The following NUP210 variants were observed in gnomAD, a reference collection of about 807,000 sequenced individuals.
NUP210 encodes nucleoporin 210, also known as nuclear pore membrane glycoprotein 210.
A neutral mutation model predicts 196.0 loss-of-function variants in NUP210; 151 were observed. The ratio of observed to expected loss-of-function variants is 0.77; its 90% CI spans 0.67 to 0.88. The LOEUF is 0.88. Among genes scored for constraint, NUP210 ranks in the 40% least tolerant of loss-of-function variants. NUP210 has a pLI of 0.00. For missense variants in NUP210, 2,314 were observed against 2,493.7 expected (o/e 0.93, Z 1.53); for synonymous variants, 1,070 against 1,052.7 (o/e 1.02, Z -0.32).
chr3:13,384,912 C>G (rs1277978472), intron 6 of NUP210, among the ~76,000 whole-genome samples: 50 of 152,210 alleles, frequency 3.3e-4, no homozygotes, highest in Non-Finnish European at 4.4e-5. Flanking sequence ...GTCAGGTAAA[C>G]ATCGGGCTCT....
intron 26 of NUP210, among the ~76,000 whole-genome samples, chr3:13,337,246 G>A (rs575086005): frequency 3.9e-5 from 6 of 152,276 alleles, no homozygotes; most frequent in Admixed American, 3.3e-4. Context: ...TGGTTCCTCC[G>A]GGCCCCTCTC....
In NUP210 at chr3:13,334,433, G is replaced by A. The variant is rs376469781; in HGVS notation, c.3843+1021C>T. 2.8e-4 allele frequency among the ~76,000 whole-genome samples: 42 copies of A among 152,284 alleles called. 4 individuals carry two copies. Among genetic ancestry groups the A allele is most frequent in the South Asian group, 2.3e-3 (11 of 4,824 alleles). On this transcript the variant is annotated intron_variant, in intron 28 of 39. Transcript: ENST00000254508. ...GTGTGCATGTGTGTCGTGTGTGTGT[G>A]CATGTGCAGGCAGGGGTGAGGGGTT...
At chr3:13,364,165 CTTTG>C (rs755282269) in intron 14 of NUP210, among the ~76,000 whole-genome samples, 5 of 152,164 alleles carry the variant, frequency 3.3e-5, no homozygotes, top group Non-Finnish European at 5.9e-5. Flanking sequence ...ACATTCTTTG[CTTTG>C]TTTATGGTCA....
intron 19 of NUP210, 50 bp from the exon 20 acceptor site, chr3:13,352,030 G>A (rs774669870): frequency 1.2e-6 from 2 of 1,600,388 alleles, no homozygotes; most frequent in Non-Finnish European, 1.7e-6. Flanking sequence ...GGAGGGCGAG[G>A]AGTCCCCCCG....
At chr3:13,393,862 C>T (rs73813573) in intron 3 of NUP210, among the ~76,000 whole-genome samples, 3,468 of 152,326 alleles carry the variant, frequency 0.023, 118 homozygotes, top group African/African-American at 0.078. Flanking sequence ...ATCCAGTCTC[C>T]AGAGGATCTA....
Position 13,397,348 on chromosome 3 carries a change from C to T in NUP210, c.436+9G>A, listed in dbSNP as rs771677417. ...CTGCAGAAGACAAACAGGCAGGGGACGTTCTCACCTTCGGAGTCCAGGGCC... is the reference window on the plus strand; with the variant it reads ...CTGCAGAAGACAAACAGGCAGGGGATGTTCTCACCTTCGGAGTCCAGGGCC... On this transcript the variant is annotated intron_variant, in intron 3 of 39. Coordinates refer to ENST00000254508, the MANE Select transcript of NUP210 (RefSeq NM_024923.4). 112 of 1,607,480 alleles carry T rather than the reference C, an allele frequency of 7.0e-5. 1 individual carries two copies. Among genetic ancestry groups the T allele is most frequent in the East Asian group, 1.4e-4 (6 of 44,408 alleles).
rs762370219 is a variant in NUP210, at chr3:13,386,400, C to T, written c.692G>A (p.Arg231His). ...AATCAGCAGCCTGACTTCTGCAGGG[C>T]GTACATTCTTGGCATAAAGAAAAGG... ...RIQEAVYKNV[R>H]PAEVRLLILE... The change falls in exon 6 of 40, where the codon CGC (arginine) becomes CAC (histidine). Residue 231 changes from arginine (R) to histidine (H), a missense_variant. Arg to His is a conservative substitution (Grantham distance 29, BLOSUM62 0). Coordinates refer to ENST00000254508, the MANE Select transcript of NUP210 (RefSeq NM_024923.4). 9.9e-6 allele frequency: 16 copies of T among 1,613,800 alleles called. No homozygotes were observed. The Admixed American group carries it at 1.2e-4, about 12-fold the overall frequency.
chr3:13,391,121 G>T, intron 4 of NUP210, 90 bp downstream of exon 4: 1 of 880,422 alleles, frequency 1.1e-6, no homozygotes, highest in Non-Finnish European at 1.9e-6. Context: ...CAATGACCCA[G>T]ATGAAAGCCC....
chr3:13,325,806 T>A lies in NUP210; in HGVS notation c.4633A>T (p.Thr1545Ser). The A allele has an allele frequency of 6.2e-7, 1 of 1,613,724 alleles. No homozygotes were observed. The highest frequency in any genetic ancestry group is 8.5e-7 in the Non-Finnish European group (1 of 1,179,966). ...VYYEVAGHLR[T>S]YKEVVVSVPQ... ...TGCTTAGAGCCCACCTCCTTGTAGGTCCTCAGGTGCCCAGCGACCTCATAG... is the reference window on the plus strand; with the variant it reads ...TGCTTAGAGCCCACCTCCTTGTAGGACCTCAGGTGCCCAGCGACCTCATAG... Residue 1545 changes from threonine (T) to serine (S), a missense_variant, in exon 33 of 40, where the codon ACC becomes TCC. Coordinates refer to ENST00000254508, the MANE Select transcript of NUP210 (RefSeq NM_024923.4).
Position 13,323,442 on chromosome 3 carries a change from G to C in NUP210, c.4645-10C>G. 1 of 1,613,822 alleles carries C rather than the reference G, an allele frequency of 6.2e-7. No homozygotes were observed. On this transcript the variant is annotated splice_polypyrimidine_tract_variant and intron_variant, in intron 33 of 39. Transcript: ENST00000254508. This position sits in a 1 kb window ranked among gnomAD's most constrained non-coding sequence, Gnocchi z 4.3. ...GGACGCTGACCACCACCTAGAGAGG[G>C]AGCCAAGGAAGCTTCATGGAGCGCC...
chr3:13,409,023 T>C (rs1312050548), intron 1 of NUP210, among the ~76,000 whole-genome samples: 1 of 152,074 alleles, frequency 6.6e-6, no homozygotes, highest in Admixed American at 6.6e-5. Flanking sequence ...CTCAATGTCC[T>C]CCCTCATCAC....
At chr3:13,410,458 G>C (rs1006427401) in intron 1 of NUP210, among the ~76,000 whole-genome samples, 1 of 151,444 alleles carries the variant, frequency 6.6e-6, no homozygotes, top group Non-Finnish European at 1.5e-5. Context: ...GATTACAGGC[G>C]TGAGCCACTG....
chr3:13,374,299 T>A (rs1393281226), intron 11 of NUP210, among the ~76,000 whole-genome samples: 2 of 152,134 alleles, frequency 1.3e-5, no homozygotes, highest in Non-Finnish European at 2.9e-5. Context: ...TACATTCACC[T>A]ACTCCCACCA....
At chr3:13,362,632 G>C (rs190369117) in intron 14 of NUP210, among the ~76,000 whole-genome samples, 1 of 152,194 alleles carries the variant, frequency 6.6e-6, no homozygotes, top group Non-Finnish European at 1.5e-5. Context: ...ATCTGATATA[G>C]GTTATCGACT....
rs1194130028 is a variant in NUP210 at position 13,375,409 on chromosome 3, T to G, written c.1431+95A>C. The G allele has an allele frequency of 2.5e-6, 3 of 1,207,454 alleles. No individual in the cohort carries two copies. In the East Asian group the frequency reaches 7.4e-5, roughly 30 times the overall value. The allele number at this position is 1,207,454 out of a possible 1,614,324, so 74.8% of individuals were successfully genotyped here. ...GTGATTTAAAATTCTCCACAACCAC[T>G]AGAGAGTAATACTAAAAGTAATAGA... On this transcript the variant is annotated intron_variant, in intron 11 of 39. Coordinates refer to ENST00000254508, the MANE Select transcript of NUP210 (RefSeq NM_024923.4).
At chr3:13,410,912 T>G (rs1405449701) in intron 1 of NUP210, among the ~76,000 whole-genome samples, 1 of 101,442 alleles carries the variant, frequency 9.9e-6, no homozygotes, top group East Asian at 2.5e-4. Flanking sequence ...AGCAAGACTC[T>G]GTCTCAAAAA....
intron 39 of NUP210, 22 bp from the exon 40 acceptor site, chr3:13,317,803 T>A: frequency 1.3e-6 from 2 of 1,540,898 alleles, no homozygotes; most frequent in Non-Finnish European, 1.8e-6. Flanking sequence ...AGAGAGACGA[T>A]GTTAGCAGCA....
chr3:13,383,203 T>A (rs940522306), intron 6 of NUP210, among the ~76,000 whole-genome samples: 1 of 152,228 alleles, frequency 6.6e-6, no homozygotes, highest in Admixed American at 6.5e-5. Flanking sequence ...GTGTGTCTTG[T>A]TCACAGTGAA....
intron 1 of NUP210, among the ~76,000 whole-genome samples, chr3:13,400,114 G>A (rs1291708738): frequency 6.6e-6 from 1 of 152,150 alleles, no homozygotes; most frequent in African/African-American, 2.4e-5. Context: ...TCAAACAGGA[G>A]ACCTCACACC....
Sources: gnomAD v4.1 joint callset for allele counts (sites outside exome capture counted in the v4.1 genomes callset) on GRCh38, gnomAD v4.1.1 for gene constraint, Gnocchi (gnomAD v3.1) non-coding constraint, MANE v1.5 for transcripts, NCBI Gene and HGNC (gene_info 2026-07-23, HGNC 2026-07-21) for gene names.